The following CDKL5 variants were observed in gnomAD, a reference collection of about 807,000 sequenced individuals.
CDKL5 encodes cyclin-dependent kinase-like 5.
CDKL5 carries 8 observed loss-of-function variants against 61.7 expected under a neutral mutation model. The ratio of observed to expected loss-of-function variants is 0.13; its 90% CI spans 0.08 to 0.23. CDKL5 has a LOEUF of 0.23. Among genes scored for constraint, CDKL5 ranks in the 10% least tolerant of loss-of-function variants. The pLI, the probability that CDKL5 is intolerant of heterozygous loss-of-function variation, is 1.00. For synonymous variants in CDKL5, 275 were observed against 272.3 expected, an observed-to-expected ratio of 1.01 and a Z score of -0.10; for missense variants, 440 against 734.5, an observed-to-expected ratio of 0.60 and a Z score of 4.63.
At position 18,633,977 on chromosome X, in the gene CDKL5, G is replaced by A. The variant is rs1326629706; in HGVS notation, c.*5220G>A. 1 of 754,033 alleles carries A rather than the reference G, an allele frequency of 1.3e-6. No individual in the cohort carries two copies. Among genetic ancestry groups the A allele is most frequent in the Non-Finnish European group, 1.6e-6 (1 of 639,289 alleles). 62.1% of individuals were successfully genotyped at this position (754,033 alleles called of 1,213,427 possible). A position where few individuals can be genotyped will look rare whatever the true frequency, so the allele number is the denominator to read the frequency against. ...TGTCTCATTTTGCCAGAAAAAAATT[G>A]TAATAGTCGGCACGCTGGATTTGTA... is the stretch of plus-strand genomic sequence containing the variant. On this transcript the variant is annotated 3_prime_UTR_variant, in exon 18 of 18. Coordinates refer to ENST00000623535, the MANE Select transcript of CDKL5 (RefSeq NM_001323289.2).
At chrX:18,585,055 T>C (rs376743023) in intron 8 of CDKL5, among the ~76,000 whole-genome samples, 1 of 112,260 alleles carries the variant, frequency 8.9e-6, no homozygotes, top group Non-Finnish European at 1.9e-5. Context: ...CAAGTACTTA[T>C]CAAGTATCTC....
chrX:18,523,851 A>G (rs1055402484), intron 3 of CDKL5, among the ~76,000 whole-genome samples: 59 of 112,190 alleles, frequency 5.3e-4, no homozygotes, highest in Admixed American at 9.5e-5. Context: ...TTTTGAATAT[A>G]TACCTAGGAG....
At chrX:18,599,762 A>G (rs181785286) in intron 11 of CDKL5, among the ~76,000 whole-genome samples, 8 of 112,439 alleles carry the variant, frequency 7.1e-5, no homozygotes, top group African/African-American at 2.3e-4. Flanking sequence ...GCTGAAAACA[A>G]TAATTCCTAA....
At chrX:18,581,862 C>A in intron 6 of CDKL5, 29 bp from the exon 7 acceptor site, 1 of 1,036,069 alleles carries the variant, frequency 9.7e-7, no homozygotes, top group Non-Finnish European at 1.4e-6. Flanking sequence ...AACATTTTTA[C>A]TAATTTTTTT....
intron 9 of CDKL5, among the ~76,000 whole-genome samples, chrX:18,592,719 T>G (rs778715820): frequency 8.9e-6 from 1 of 112,368 alleles, no homozygotes; most frequent in Non-Finnish European, 1.9e-5. Context: ...GAAATTTTCT[T>G]TCATGATGTT....
intron 17 of CDKL5, chrX:18,627,423 G>A (rs751149841): frequency 8.9e-6 from 1 of 111,985 alleles, no homozygotes; most frequent in Non-Finnish European, 1.9e-5. Flanking sequence ...AGCCCAAGTG[G>A]CCAAATCCAG....
chrX:18,604,687 C>T lies in CDKL5; in HGVS notation c.1763C>T (p.Pro588Leu). The change falls in exon 12 of 18, where the codon CCT becomes CTT. Residue 588 changes from proline to leucine, a missense_variant. Around this residue, in one of 2 missense-constraint regions of CDKL5, gnomAD observed 363 missense variants for 516.3 expected, o/e 0.70. Transcript: ENST00000623535. ...AGCCATTCCCATTCACTGTCTGCAC[C>T]TCACGAATCTTTTTCTTATGGACTG... is the stretch of plus-strand genomic sequence containing the variant. ...DSSHSHSLSA[P>L]HESFSYGLGY... 8.3e-7 allele frequency: 1 copy of T among 1,211,693 alleles called. No individual in the cohort carries two copies. Among genetic ancestry groups the T allele is most frequent in the Non-Finnish European group, 1.1e-6 (1 of 895,191 alleles).
chrX:18,485,894 T>G (rs1446496970), intron 1 of CDKL5, among the ~76,000 whole-genome samples: 1 of 111,121 alleles, frequency 9.0e-6, no homozygotes, highest in Non-Finnish European at 1.9e-5. Flanking sequence ...AATAGATTTT[T>G]TTTAAAAAGA....
intron 4 of CDKL5, among the ~76,000 whole-genome samples, chrX:18,574,247 A>C (rs748419987): frequency 1.8e-5 from 2 of 112,170 alleles, no homozygotes; most frequent in South Asian, 7.4e-4. Flanking sequence ...CACAGCACTC[A>C]GTAATCAAGT....
intron 3 of CDKL5, among the ~76,000 whole-genome samples, chrX:18,540,447 G>A (rs763487539): frequency 8.9e-6 from 1 of 111,896 alleles, no homozygotes; most frequent in South Asian, 3.7e-4. Flanking sequence ...AAAGTGCTGG[G>A]ATTACAGGAG....
At chrX:18,640,434 A>ACCCC (rs753767629), downstream of CDKL5, 2 of 49,192 alleles carry the variant, frequency 4.1e-5, no homozygotes, top group East Asian at 9.1e-4. Flanking sequence ...AAGTCCCCCC[A>ACCCC]CCCCCCCCCC....
At chrX:18,533,701 G>T (rs1464671776) in intron 3 of CDKL5, among the ~76,000 whole-genome samples, 1 of 111,472 alleles carries the variant, frequency 9.0e-6, no homozygotes, top group Non-Finnish European at 1.9e-5. Flanking sequence ...TGGGCTGGCA[G>T]ATACCCTTGG....
chrX:18,644,474 G>A (rs766007270), downstream of CDKL5: 34 of 1,209,295 alleles, frequency 2.8e-5, no homozygotes, highest in South Asian at 3.7e-4. Flanking sequence ...CAGTTCAGGC[G>A]CTCATCGGTC....
chrX:18,530,463 C>T (rs1923605915), intron 3 of CDKL5, among the ~76,000 whole-genome samples: 1 of 111,518 alleles, frequency 9.0e-6, no homozygotes, highest in Non-Finnish European at 1.9e-5. Context: ...CTGTCGAGTC[C>T]ATTAAAAGCA....
At chrX:18,517,811 G>A (rs922828365) in intron 3 of CDKL5, among the ~76,000 whole-genome samples, 3 of 111,825 alleles carry the variant, frequency 2.7e-5, no homozygotes, top group Non-Finnish European at 3.8e-5. Context: ...TTCAAGACCA[G>A]CCTGGCCAAC....
intron 3 of CDKL5, among the ~76,000 whole-genome samples, chrX:18,553,299 C>T (rs1035204581): frequency 2.7e-5 from 3 of 111,509 alleles, no homozygotes; most frequent in African/African-American, 9.8e-5. Flanking sequence ...GAATATTTTA[C>T]ACTCATACAT....
chrX:18,596,829 A>G (rs556351237), intron 10 of CDKL5, among the ~76,000 whole-genome samples: 2 of 112,382 alleles, frequency 1.8e-5, no homozygotes, highest in East Asian at 2.8e-4. Context: ...TCAGTGTGGT[A>G]CCAGATTAAA....
chrX:18,470,858 A>G (rs781256852), intron 1 of CDKL5, among the ~76,000 whole-genome samples: 22 of 112,187 alleles, frequency 2.0e-4, no homozygotes, highest in Non-Finnish European at 3.6e-4. Context: ...CTGTGGGTCC[A>G]CAGCCAAGCA....
At chrX:18,467,138 C>G (rs887207849) in intron 1 of CDKL5, among the ~76,000 whole-genome samples, 1 of 110,818 alleles carries the variant, frequency 9.0e-6, no homozygotes, top group Non-Finnish European at 1.9e-5. Flanking sequence ...AAGCATACCC[C>G]GAGAATGACC....
Sources: allele counts gnomAD v4.1 joint callset (sites outside exome capture counted in the v4.1 genomes callset), GRCh38; gene constraint gnomAD v4.1.1; regional missense constraint gnomAD v4.1.1; transcripts MANE v1.5; gene names NCBI Gene and HGNC (gene_info 2026-07-23, HGNC 2026-07-21).